Variants in PPARGC1B observed in about 807,000 individuals in gnomAD.
PPARGC1B encodes the protein peroxisome proliferator-activated receptor gamma coactivator 1-beta.
Under a neutral mutation model 101.6 loss-of-function variants are expected in PPARGC1B, and 34 were observed. That is an observed-to-expected ratio of 0.33 (90% CI 0.25 to 0.45). The LOEUF (loss-of-function observed/expected upper bound fraction) is 0.45. Ranked by LOEUF, PPARGC1B falls within the 20% of genes least tolerant of loss-of-function variation. The pLI is 1.00. For synonymous variants in PPARGC1B, 548 were observed against 539.3 expected (o/e 1.02, Z -0.22); for missense variants, 1,234 against 1,317.6 (o/e 0.94, Z 0.98).
At chr5:149,760,412 C>T (rs10476917) in intron 1 of PPARGC1B, among the ~76,000 whole-genome samples, 3,879 of 152,320 alleles carry the variant, frequency 0.025, 141 homozygotes, top group African/African-American at 0.083. Context: ...TGCTACTTAA[C>T]ATGCTGTGTG....
intron 1 of PPARGC1B, among the ~76,000 whole-genome samples, chr5:149,796,894 G>A (rs1757238315): frequency 6.6e-6 from 1 of 152,214 alleles, no homozygotes; most frequent in African/African-American, 2.4e-5. Context: ...CAAGGAGGAA[G>A]GATTTGAAAG....
chr5:149,763,152 C>A (rs1755777123), intron 1 of PPARGC1B, among the ~76,000 whole-genome samples: 1 of 129,444 alleles, frequency 7.7e-6, no homozygotes, highest in Non-Finnish European at 1.8e-5. Flanking sequence ...CAACTTCCCT[C>A]CCCACTCTGG....
chr5:149,790,206 TGATAGTG>T (rs1756965381), intron 1 of PPARGC1B, among the ~76,000 whole-genome samples: 1 of 152,104 alleles, frequency 6.6e-6, no homozygotes, highest in Non-Finnish European at 1.5e-5. Context: ...GTGGTGGTGA[TGATAGTG>T]CAGAGGTCAA....
intron 1 of PPARGC1B, among the ~76,000 whole-genome samples, chr5:149,819,102 G>T (rs953725231): frequency 2.0e-5 from 3 of 152,180 alleles, no homozygotes; most frequent in African/African-American, 7.2e-5. Flanking sequence ...AGTAGCTCTG[G>T]GTTTAGGCCT....
At chr5:149,826,981 AG>A (rs1260895601) in intron 3 of PPARGC1B, 96 bp downstream of exon 3, 6 of 956,638 alleles carry the variant, frequency 6.3e-6, no homozygotes, top group Non-Finnish European at 9.6e-6. Context: ...CCAGCCCCGC[AG>A]GGGACTCCGT....
rs1581116811 is a variant in PPARGC1B at position 149,836,569 on chromosome 5, A to G, written c.2114A>G (p.Gln705Arg). ...CQVLRPEGVL[Q>R]RKVLRSWEPS... ...GTGCTCCGACCAGAAGGCGTCCTGC[A>G]AAGGAAGGTGCTGAGGTCCTGGGAG... Residue 705 changes from glutamine (Q) to arginine (R), a missense_variant, in exon 8 of 12, where the codon CAA (glutamine) becomes CGA (arginine). Transcript: ENST00000309241. The G allele has an allele frequency of 1.2e-6, 2 of 1,613,950 alleles. No individual in the cohort carries two copies. Among genetic ancestry groups the G allele is most frequent in the East Asian group, 4.5e-5 (2 of 44,862 alleles).
intron 1 of PPARGC1B, among the ~76,000 whole-genome samples, chr5:149,732,630 C>G (rs984688124): frequency 5.3e-5 from 8 of 152,216 alleles, no homozygotes; most frequent in African/African-American, 1.9e-4. Context: ...TTCTGGTGAT[C>G]TTTGCCGGCC....
At chr5:149,804,569 C>T (rs188310455) in intron 1 of PPARGC1B, among the ~76,000 whole-genome samples, 80 of 152,206 alleles carry the variant, frequency 5.3e-4, no homozygotes, top group Middle Eastern at 3.4e-3. Context: ...CTACTCGGGA[C>T]GCTGAAGCAG....
Position 149,832,970 on chromosome 5 carries a change from C to T in PPARGC1B, c.897C>T (p.Leu299=), listed in dbSNP as rs1484399705. The change falls in exon 5 of 12, where the codon CTC becomes CTT. Residue 299 remains leucine, a synonymous_variant. Coordinates refer to ENST00000309241, the MANE Select transcript of PPARGC1B (RefSeq NM_133263.4). This position sits in a 1 kb window ranked among gnomAD's most constrained non-coding sequence, Gnocchi z 4.9. The part of the protein sequence containing the change: ...QLIRYMHTYC[L]PQRKLPPQTP... ...TACGCTACATGCACACCTACTGCCT[C>T]CCCCAGAGGAAGCTGCCCCCACAGA... The T allele has an allele frequency of 5.6e-6, 9 of 1,613,284 alleles. No homozygotes were observed. The highest frequency in any genetic ancestry group is 5.0e-5 in the Admixed American group (3 of 60,010).
chr5:149,738,707 C>T (rs780868763), intron 1 of PPARGC1B, among the ~76,000 whole-genome samples: 7 of 152,006 alleles, frequency 4.6e-5, no homozygotes, highest in Admixed American at 4.6e-4. Flanking sequence ...AGCGATTCTT[C>T]TGCCTCAGCC....
intron 1 of PPARGC1B, among the ~76,000 whole-genome samples, chr5:149,747,758 T>C (rs764162267): frequency 2.0e-5 from 3 of 152,214 alleles, no homozygotes; most frequent in Non-Finnish European, 4.4e-5. Flanking sequence ...AACAGGAATG[T>C]GGCAATCTCC....
intron 1 of PPARGC1B, among the ~76,000 whole-genome samples, chr5:149,810,723 C>T (rs1345270787): frequency 1.3e-5 from 2 of 152,280 alleles, no homozygotes; most frequent in African/African-American, 4.8e-5. Flanking sequence ...GGAAACTGGT[C>T]TGGACAGGTC....
At position 149,847,704 on chromosome 5, in the gene PPARGC1B, T is replaced by TAATAAA; in HGVS notation, c.*148_*149insTAAAAA. 2.0e-6 allele frequency: 1 copy of TAATAAA among 499,934 alleles called. No homozygotes were observed. Among genetic ancestry groups the TAATAAA allele is most frequent in the African/African-American group, 2.0e-5 (1 of 49,826 alleles). 31.0% of individuals were successfully genotyped at this position (499,934 alleles called of 1,614,324 possible). A position where few individuals can be genotyped will look rare whatever the true frequency, so the allele number is the denominator to read the frequency against. ...AGAGAGACTTGAAACTGCTGTCCTT[T>TAATAAA]AAAAAAAAAAAAAATCAATGTTTAC... On this transcript the variant is annotated 3_prime_UTR_variant, in exon 12 of 12. Coordinates refer to ENST00000309241, the MANE Select transcript of PPARGC1B (RefSeq NM_133263.4).
chr5:149,802,269 T>A (rs1280406741), intron 1 of PPARGC1B, among the ~76,000 whole-genome samples: 1 of 152,214 alleles, frequency 6.6e-6, no homozygotes, highest in Non-Finnish European at 1.5e-5. Flanking sequence ...CATGTGGCCC[T>A]CGCTCCTCCG....
At chr5:149,753,630 G>A (rs992931551) in intron 1 of PPARGC1B, among the ~76,000 whole-genome samples, 1 of 152,142 alleles carries the variant, frequency 6.6e-6, no homozygotes, top group Non-Finnish European at 1.5e-5. Flanking sequence ...ACATGTGACC[G>A]TATGCATAGG....
At chr5:149,830,401 A>ATGTG (rs143687897) in intron 3 of PPARGC1B, among the ~76,000 whole-genome samples, 1 of 151,038 alleles carries the variant, frequency 6.6e-6, no homozygotes, top group Admixed American at 6.6e-5. Flanking sequence ...GATTGTGTGT[A>ATGTG]TGTGTGTGTG....
intron 2 of PPARGC1B, among the ~76,000 whole-genome samples, chr5:149,820,939 C>T (rs138095117): frequency 7.7e-4 from 117 of 152,324 alleles, no homozygotes; most frequent in Non-Finnish European, 1.1e-3. Context: ...TTCGTCCCCA[C>T]CCTGCAAGAC....
At chr5:149,795,218 C>A (rs568779237) in intron 1 of PPARGC1B, among the ~76,000 whole-genome samples, 1 of 152,280 alleles carries the variant, frequency 6.6e-6, no homozygotes, top group Non-Finnish European at 1.5e-5. Context: ...TAGCTTAGGG[C>A]GTCAGATTTC....
chr5:149,812,868 G>A (rs756076392), intron 1 of PPARGC1B, among the ~76,000 whole-genome samples: 1 of 152,232 alleles, frequency 6.6e-6, no homozygotes, highest in Non-Finnish European at 1.5e-5. Flanking sequence ...GGGAAGGTCA[G>A]CTTCCCAGAG....
Sources: gnomAD v4.1 joint callset for allele counts (sites outside exome capture counted in the v4.1 genomes callset) on GRCh38, gnomAD v4.1.1 for gene constraint, Gnocchi (gnomAD v3.1) non-coding constraint, MANE v1.5 for transcripts, NCBI Gene and HGNC (gene_info 2026-07-23, HGNC 2026-07-21) for gene names.